Variants in CDKAL1 observed in about 807,000 individuals in gnomAD.
CDKAL1 encodes the protein threonylcarbamoyladenosine tRNA methylthiotransferase.
In CDKAL1, 32 loss-of-function variants were observed where a neutral mutation model predicts 68.2. That is an observed-to-expected ratio of 0.47 (90% confidence interval 0.35 to 0.63). The LOEUF is 0.63. CDKAL1 is among the 30% of genes least tolerant of loss of function. The pLI is 0.00. For missense variants in CDKAL1, 606 were observed against 696.7 expected, an observed-to-expected ratio of 0.87 and a Z score of 1.47; for synonymous variants, 234 against 244.3, an observed-to-expected ratio of 0.96 and a Z score of 0.39.
chr6:21,112,288 C>T (rs1385782035), intron 13 of CDKAL1, among the ~76,000 whole-genome samples: 1 of 152,142 alleles, frequency 6.6e-6, no homozygotes, highest in Non-Finnish European at 1.5e-5. Flanking sequence ...TAGCCAAACA[C>T]ACATGTTTAT....
intron 10 of CDKAL1, among the ~76,000 whole-genome samples, chr6:20,977,429 A>G (rs1039347400): frequency 2.6e-5 from 4 of 152,292 alleles, no homozygotes; most frequent in South Asian, 2.1e-4. Context: ...TTCTAACTCT[A>G]ATTTTAGCAC....
intron 15 of CDKAL1, among the ~76,000 whole-genome samples, chr6:21,228,591 A>G (rs1779838187): frequency 6.6e-6 from 1 of 152,182 alleles, no homozygotes; most frequent in African/African-American, 2.4e-5. Context: ...TCTCATTGGA[A>G]TACACACTCT....
At chr6:20,979,772 C>CT (rs58698004) in intron 10 of CDKAL1, among the ~76,000 whole-genome samples, 2,223 of 131,726 alleles carry the variant, frequency 0.017, 55 homozygotes, top group African/African-American at 0.057. Flanking sequence ...TTCATAGTAT[C>CT]TTTTTTTTTT....
chr6:20,579,645 G>A (rs566594219), intron 4 of CDKAL1, among the ~76,000 whole-genome samples: 64 of 152,232 alleles, frequency 4.2e-4, no homozygotes, highest in African/African-American at 1.5e-3. Context: ...AGTCACATAG[G>A]TAGTGCAAGT....
At chr6:20,830,501 A>G (rs1274339670) in intron 8 of CDKAL1, among the ~76,000 whole-genome samples, 5 of 152,240 alleles carry the variant, frequency 3.3e-5, no homozygotes, top group Non-Finnish European at 7.3e-5. Context: ...TTAGAATTAC[A>G]TATTTTGGGA....
intron 9 of CDKAL1, among the ~76,000 whole-genome samples, chr6:20,896,088 CTTTTCTTTTCTTTTCTT>C (rs1312039937): frequency 1.6e-5 from 2 of 127,312 alleles, no homozygotes; most frequent in Admixed American, 1.8e-4. Flanking sequence ...TCTTTTTTTT[CTTTTCTTTTCTTTTCTT>C]TTTTTTTTTT....
intron 9 of CDKAL1, among the ~76,000 whole-genome samples, chr6:20,879,199 T>C (rs1020564421): frequency 6.6e-6 from 1 of 152,198 alleles, no homozygotes; most frequent in African/African-American, 2.4e-5. Flanking sequence ...GTGGACTCTT[T>C]GCATTTCTGT....
Position 20,609,547 on chromosome 6 carries a change from C to A in CDKAL1, c.287-39746C>A, listed in dbSNP as rs558676974. 3.3e-5 allele frequency among the ~76,000 whole-genome samples: 5 copies of A among 151,894 alleles called. No individual in the cohort carries two copies. In the South Asian group the frequency reaches 8.3e-4, roughly 25 times the overall value. On this transcript the variant is annotated intron_variant, in intron 4 of 15. Transcript: ENST00000274695. ...AGTAGCTAGGATTACAGGTGTGCACCACCACGCCCAGCTAATTTTTGTATT... is the reference window on the plus strand; with the variant it reads ...AGTAGCTAGGATTACAGGTGTGCACAACCACGCCCAGCTAATTTTTGTATT...
chr6:20,755,440 T>TC (rs1774126572), intron 6 of CDKAL1, among the ~76,000 whole-genome samples: 1 of 152,158 alleles, frequency 6.6e-6, no homozygotes, highest in Non-Finnish European at 1.5e-5. Flanking sequence ...TTCCTTTTTT[T>TC]CCCCTTCATT....
At chr6:20,610,569 C>A (rs921755430) in intron 4 of CDKAL1, among the ~76,000 whole-genome samples, 1 of 151,904 alleles carries the variant, frequency 6.6e-6, no homozygotes, top group Non-Finnish European at 1.5e-5. Context: ...TCCCTCTCCT[C>A]TTCCCTCATG....
intron 5 of CDKAL1, among the ~76,000 whole-genome samples, chr6:20,731,627 G>A (rs1162135386): frequency 6.6e-6 from 1 of 152,188 alleles, no homozygotes; most frequent in East Asian, 1.9e-4. Context: ...AGCCTGAGAA[G>A]CTAGGTAGTA....
chr6:21,137,774 G>A (rs1775686348), intron 13 of CDKAL1, among the ~76,000 whole-genome samples: 1 of 152,316 alleles, frequency 6.6e-6, no homozygotes, highest in South Asian at 2.1e-4. Context: ...AATGTTAGAG[G>A]AGGTAGGAAG....
intron 9 of CDKAL1, among the ~76,000 whole-genome samples, chr6:20,926,268 G>GA (rs1332787123): frequency 1.3e-5 from 2 of 151,884 alleles, no homozygotes; most frequent in Non-Finnish European, 2.9e-5. Context: ...GACCCAGCAG[G>GA]AAAAAATAAT....
intron 13 of CDKAL1, among the ~76,000 whole-genome samples, chr6:21,129,682 CAAAAAAAAAAAAAA>C (rs34802727): frequency 1.4e-5 from 1 of 69,016 alleles, no homozygotes; most frequent in Non-Finnish European, 2.6e-5. Flanking sequence ...TGCAGTTTAC[CAAAAAAAAAAAAAA>C]AAAAAAAAAG....
intron 9 of CDKAL1, among the ~76,000 whole-genome samples, chr6:20,871,810 A>G (rs1175300944): frequency 6.6e-6 from 1 of 152,208 alleles, no homozygotes; most frequent in Non-Finnish European, 1.5e-5. Flanking sequence ...TGTCTGAACT[A>G]GAATCCAAAC....
At chr6:20,790,859 T>A (rs1775870236) in intron 8 of CDKAL1, among the ~76,000 whole-genome samples, 1 of 151,620 alleles carries the variant, frequency 6.6e-6, no homozygotes. Flanking sequence ...GAATGGGGAG[T>A]GCATGCTGAT....
intron 5 of CDKAL1, among the ~76,000 whole-genome samples, chr6:20,657,125 C>A (rs1045578636): frequency 4.6e-5 from 7 of 152,262 alleles, no homozygotes; most frequent in Middle Eastern, 3.4e-3. Context: ...CCAGTTGTCA[C>A]CATTGCCTAA....
chr6:20,594,448 C>G lies in CDKAL1; in HGVS notation c.286+45743C>G, dbSNP rs9348438. The stretch of plus-strand genomic sequence containing the variant: ...TTATGTAATGCCCTTTTCTCTGTGT[C>G]TTTTGATCTTTGTTGGTTTAAAGTC... On this transcript the variant is annotated intron_variant, in intron 4 of 15. Coordinates refer to ENST00000274695, the MANE Select transcript of CDKAL1 (RefSeq NM_017774.3). Among the ~76,000 whole-genome samples the G allele has an allele frequency of 3.3e-5, 5 of 152,164 alleles. No individual in the cohort carries two copies. The East Asian group carries it at 9.7e-4, about 29-fold the overall frequency.
At chr6:20,830,635 C>T (rs1032769999) in intron 8 of CDKAL1, among the ~76,000 whole-genome samples, 1 of 152,106 alleles carries the variant, frequency 6.6e-6, no homozygotes, top group African/African-American at 2.4e-5. Context: ...CCCTGCAGGT[C>T]CTCCTTCCCT....
Sources: allele counts gnomAD v4.1 joint callset (sites outside exome capture counted in the v4.1 genomes callset), GRCh38; gene constraint gnomAD v4.1.1; transcripts MANE v1.5; gene names NCBI Gene and HGNC (gene_info 2026-07-23, HGNC 2026-07-21).